The following TBC1D5 variants were observed in gnomAD, a reference collection of about 807,000 sequenced individuals.
The protein encoded by TBC1D5 is TBC1 domain family, member 5.
A neutral mutation model predicts 100.3 loss-of-function variants in TBC1D5; 75 were observed. The observed-to-expected ratio is 0.75, with a 90% CI of 0.62 to 0.91. The LOEUF (loss-of-function observed/expected upper bound fraction) is 0.91. Ranked by LOEUF, TBC1D5 falls within the 40% of genes least tolerant of loss-of-function variation. The pLI is 0.00. For missense variants in TBC1D5, 910 were observed against 942.4 expected, an observed-to-expected ratio of 0.97 and a Z score of 0.45; for synonymous variants, 323 against 325.6, an observed-to-expected ratio of 0.99 and a Z score of 0.09.
intron 1 of TBC1D5, among the ~76,000 whole-genome samples, chr3:17,630,553 G>A (rs1049997016): frequency 6.6e-6 from 1 of 152,106 alleles, no homozygotes. Context: ...CTGCTCCACA[G>A]ATCAGCCATT....
intron 1 of TBC1D5, among the ~76,000 whole-genome samples, chr3:17,696,167 C>A (rs1217278961): frequency 1.3e-5 from 2 of 151,966 alleles, no homozygotes; most frequent in Middle Eastern, 3.4e-3. Context: ...AAAATCGACA[C>A]CCTAACATCA....
chr3:17,241,817 T>C (rs2076330058), intron 16 of TBC1D5, among the ~76,000 whole-genome samples: 1 of 152,164 alleles, frequency 6.6e-6, no homozygotes, highest in African/African-American at 2.4e-5. Context: ...TCATACTGCA[T>C]GGGCATCTAC....
intron 1 of TBC1D5, among the ~76,000 whole-genome samples, chr3:17,729,007 G>A (rs2076340860): frequency 6.0e-5 from 2 of 33,360 alleles, no homozygotes; most frequent in African/African-American, 1.6e-4. Context: ...AAGTGCACCT[G>A]AAAATCAGTA....
chr3:17,687,707 A>C (rs978055081), intron 1 of TBC1D5, among the ~76,000 whole-genome samples: 6 of 152,212 alleles, frequency 3.9e-5, no homozygotes, highest in African/African-American at 1.4e-4. Context: ...CATTGCAGGC[A>C]GCAGGAAGAA....
At chr3:17,366,303 C>CA (rs1188688097) in intron 13 of TBC1D5, among the ~76,000 whole-genome samples, 130 of 144,548 alleles carry the variant, frequency 9.0e-4, no homozygotes, top group African/African-American at 2.0e-3. Context: ...AACAAACAAA[C>CA]AAAAAAAAAC....
chr3:17,569,323 GA>G (rs1218140363), intron 2 of TBC1D5, among the ~76,000 whole-genome samples: 4 of 151,766 alleles, frequency 2.6e-5, no homozygotes, highest in Non-Finnish European at 4.4e-5. Flanking sequence ...ATGTAGGCTA[GA>G]AAAGTCTATT....
At chr3:17,298,035 T>C (rs1034171766) in intron 14 of TBC1D5, among the ~76,000 whole-genome samples, 1 of 152,224 alleles carries the variant, frequency 6.6e-6, no homozygotes, top group East Asian at 1.9e-4. Context: ...GATTAAGATT[T>C]AGAAAATAAT....
At chr3:17,421,319 C>G (rs962225901) in intron 4 of TBC1D5, among the ~76,000 whole-genome samples, 6 of 152,122 alleles carry the variant, frequency 3.9e-5, no homozygotes, top group Non-Finnish European at 5.9e-5. Context: ...ATTTTGTGCT[C>G]TCTGAAGTGA....
At chr3:17,265,308 T>G (rs191744233) in intron 15 of TBC1D5, among the ~76,000 whole-genome samples, 1 of 152,282 alleles carries the variant, frequency 6.6e-6, no homozygotes, top group East Asian at 1.9e-4. Context: ...GTATAATGTA[T>G]GTTTGGCATG....
At chr3:17,338,240 G>A (rs909087814) in intron 13 of TBC1D5, among the ~76,000 whole-genome samples, 5 of 152,108 alleles carry the variant, frequency 3.3e-5, no homozygotes, top group Middle Eastern at 6.3e-3. Flanking sequence ...AGATGCCAAT[G>A]AATTTAAAAC....
chr3:17,280,898 G>A (rs2080511678), intron 15 of TBC1D5, among the ~76,000 whole-genome samples: 1 of 152,192 alleles, frequency 6.6e-6, no homozygotes, highest in Non-Finnish European at 1.5e-5. Flanking sequence ...CTTCAGGGTG[G>A]GGGAGTGGGG....
chr3:17,228,449 A>G (rs540738292), intron 17 of TBC1D5, among the ~76,000 whole-genome samples: 1 of 152,292 alleles, frequency 6.6e-6, no homozygotes, highest in East Asian at 1.9e-4. Context: ...ATAGTTTAAA[A>G]TGCAGTACTC....
chr3:17,487,666 A>T (rs1462738711), intron 3 of TBC1D5, among the ~76,000 whole-genome samples: 4 of 152,182 alleles, frequency 2.6e-5, no homozygotes, highest in Non-Finnish European at 5.9e-5. Flanking sequence ...TTCAAGAATC[A>T]CTAGTTTTGA....
At chr3:17,407,604 A>T (rs559845259) in intron 4 of TBC1D5, among the ~76,000 whole-genome samples, 1 of 152,158 alleles carries the variant, frequency 6.6e-6, no homozygotes, top group Non-Finnish European at 1.5e-5. Flanking sequence ...CTTGCATACT[A>T]TGCTTAGAGT....
chr3:17,416,118 C>G (rs915211568), intron 4 of TBC1D5, among the ~76,000 whole-genome samples: 3 of 152,136 alleles, frequency 2.0e-5, no homozygotes, highest in Non-Finnish European at 2.9e-5. Context: ...CAGGGTATTA[C>G]CAAACAGAAA....
At chr3:17,159,118 G>A (rs1358373749) in exon 22 of TBC1D5, 2 of 152,244 alleles carry the variant, frequency 1.3e-5, no homozygotes, top group Non-Finnish European at 2.9e-5. Context: ...GGGAGCTACT[G>A]TGTGCATCTG....
chr3:17,459,350 A>G (rs961030780), intron 3 of TBC1D5, among the ~76,000 whole-genome samples: 3 of 152,118 alleles, frequency 2.0e-5, no homozygotes, highest in African/African-American at 7.2e-5. Flanking sequence ...CATCCCTCGC[A>G]TGCACAGGGT....
intron 18 of TBC1D5, among the ~76,000 whole-genome samples, chr3:17,208,068 G>A (rs1016162968): frequency 1.3e-5 from 2 of 152,188 alleles, no homozygotes; most frequent in Admixed American, 6.5e-5. Flanking sequence ...ATGGAATATC[G>A]CTGTATCACA....
At chr3:17,506,674 A>C (rs2095847649) in intron 3 of TBC1D5, among the ~76,000 whole-genome samples, 1 of 152,190 alleles carries the variant, frequency 6.6e-6, no homozygotes, top group South Asian at 2.1e-4. Flanking sequence ...ATGTTAGGCT[A>C]GGATATAAAC....
Sources: allele counts gnomAD v4.1 joint callset (sites outside exome capture counted in the v4.1 genomes callset), GRCh38; gene constraint gnomAD v4.1.1; transcripts MANE v1.5; gene names NCBI Gene and HGNC (gene_info 2026-07-23, HGNC 2026-07-21).